Variants in DLGAP2 observed in about 807,000 individuals in gnomAD.
The protein encoded by DLGAP2 is DLG associated protein 2.
A neutral mutation model predicts 100.3 loss-of-function variants in DLGAP2; 26 were observed. That is an observed-to-expected ratio of 0.26 (90% CI 0.19 to 0.36). DLGAP2 has a LOEUF of 0.36. Ranked by LOEUF, DLGAP2 falls within the 10% of genes least tolerant of loss-of-function variation. DLGAP2 has a pLI of 1.00. For missense variants in DLGAP2, 1,858 were observed against 1,453.2 expected (o/e 1.28, Z -4.53); for synonymous variants, 886 against 630.1 (o/e 1.41, Z -6.08).
chr8:1,267,603 T>TAAAATAAAATAA (rs1250229921), intron 3 of DLGAP2, among the ~76,000 whole-genome samples: 52 of 68,402 alleles, frequency 7.6e-4, no homozygotes, highest in African/African-American at 4.6e-3. Context: ...TAAGATAAGA[T>TAAAATAAAATAA]AAGATAAGAT....
chr8:1,038,922 C>G (rs547228582), intron 2 of DLGAP2, among the ~76,000 whole-genome samples: 4 of 152,270 alleles, frequency 2.6e-5, no homozygotes, highest in African/African-American at 9.6e-5. Context: ...GTAACCCATC[C>G]ATTTGAATTG....
intron 2 of DLGAP2, among the ~76,000 whole-genome samples, chr8:960,336 A>T (rs1405402152): frequency 1.4e-5 from 2 of 144,346 alleles, no homozygotes; most frequent in African/African-American, 5.1e-5. Context: ...CCTGGCTTCA[A>T]TCGATTCTCG....
intron 1 of DLGAP2, among the ~76,000 whole-genome samples, chr8:744,689 G>A (rs568318743): frequency 2.6e-5 from 4 of 151,610 alleles, no homozygotes; most frequent in Admixed American, 6.6e-5. Flanking sequence ...CGGCCACGTC[G>A]CCCTCCCGGG....
chr8:928,491 G>A (rs1037837636), intron 2 of DLGAP2, among the ~76,000 whole-genome samples: 1 of 152,166 alleles, frequency 6.6e-6, no homozygotes, highest in Non-Finnish European at 1.5e-5. Flanking sequence ...TCAGGTGCCT[G>A]TTTGATTCTT....
intron 8 of DLGAP2, among the ~76,000 whole-genome samples, chr8:1,641,001 G>A (rs1278540818): frequency 6.6e-6 from 1 of 152,180 alleles, no homozygotes; most frequent in African/African-American, 2.4e-5. Flanking sequence ...AGTCTCTGCG[G>A]AGAGGAGGGA....
Position 1,570,203 on chromosome 8 carries a change from T to A in DLGAP2, c.1442+4309T>A, listed in dbSNP as rs144097642. 2.1e-3 allele frequency among the ~76,000 whole-genome samples: 322 copies of A among 152,354 alleles called. 2 individuals carry two copies. The highest frequency in any genetic ancestry group is 7.2e-3 in the African/African-American group (301 of 41,584). ...GGAAAGACAAGACCGGGGAGGCACA[T>A]ACACATCCATGTGCCGTCTTCATTC... is the stretch of plus-strand genomic sequence containing the variant. On this transcript the variant is annotated intron_variant, in intron 6 of 14. Transcript: ENST00000637795.
intron 3 of DLGAP2, among the ~76,000 whole-genome samples, chr8:1,316,632 G>C (rs1335390724): frequency 1.4e-5 from 2 of 144,834 alleles, no homozygotes; most frequent in East Asian, 2.1e-4. Context: ...TGCGAGTGCA[G>C]CGTCTCTCCA....
In DLGAP2 at chr8:1,053,557, G is replaced by T. The variant is rs1008388845; in HGVS notation, c.73+145591G>T. 1.1e-4 allele frequency among the ~76,000 whole-genome samples: 17 copies of T among 152,096 alleles called. 1 individual carries two copies. The highest frequency in any genetic ancestry group is 9.2e-4 in the Admixed American group (14 of 15,270). ...GCATGCAGCTGAAGAAGAGACAGAC[G>T]CGTGAGTGATGAAGACTGACACAGA... On this transcript the variant is annotated intron_variant, in intron 2 of 14. Transcript: ENST00000637795.
intron 3 of DLGAP2, among the ~76,000 whole-genome samples, chr8:1,452,869 C>T (rs750174663): frequency 1.6e-4 from 25 of 152,124 alleles, no homozygotes; most frequent in Non-Finnish European, 3.2e-4. Flanking sequence ...TAAAGAGTCT[C>T]TGTTTTTGTA....
At chr8:1,588,294 G>A (rs1376531155) in intron 6 of DLGAP2, among the ~76,000 whole-genome samples, 1 of 152,094 alleles carries the variant, frequency 6.6e-6, no homozygotes, top group Non-Finnish European at 1.5e-5. Flanking sequence ...AGAATGTACT[G>A]AATGAAGAGA....
chr8:1,018,204 T>G (rs1436187773), intron 2 of DLGAP2, among the ~76,000 whole-genome samples: 1 of 152,068 alleles, frequency 6.6e-6, no homozygotes, highest in African/African-American at 2.4e-5. Flanking sequence ...CTATAGGCCC[T>G]CCGTCCTCAG....
intron 2 of DLGAP2, among the ~76,000 whole-genome samples, chr8:1,108,863 G>A (rs1804864121): frequency 1.5e-5 from 2 of 132,590 alleles, no homozygotes; most frequent in African/African-American, 2.9e-5. Context: ...AGGTGTGCAC[G>A]GGTCTGTGAG....
intron 1 of DLGAP2, among the ~76,000 whole-genome samples, chr8:828,126 G>A (rs965166534): frequency 1.3e-5 from 2 of 152,174 alleles, no homozygotes; most frequent in East Asian, 1.9e-4. Flanking sequence ...GGACCGAAGC[G>A]AAATTAAAAT....
intron 7 of DLGAP2, among the ~76,000 whole-genome samples, chr8:1,630,016 G>T (rs528720413): frequency 5.7e-4 from 87 of 152,248 alleles, no homozygotes; most frequent in African/African-American, 1.9e-3. Context: ...TGGAAACAAT[G>T]GTTAAGCAGA....
intron 2 of DLGAP2, among the ~76,000 whole-genome samples, chr8:1,136,610 C>A (rs1403515701): frequency 2.0e-5 from 3 of 152,160 alleles, no homozygotes; most frequent in African/African-American, 7.2e-5. Context: ...CACAGCAGAC[C>A]CATGACTCTG....
chr8:755,948 G>A (rs1420883399), intron 1 of DLGAP2, among the ~76,000 whole-genome samples: 3 of 152,204 alleles, frequency 2.0e-5, no homozygotes, highest in Admixed American at 6.5e-5. Context: ...ACAGGTGGTC[G>A]GGGGATCCAG....
At chr8:1,415,026 GA>G (rs374531889) in intron 3 of DLGAP2, among the ~76,000 whole-genome samples, 3,651 of 152,014 alleles carry the variant, frequency 0.024, 140 homozygotes, top group African/African-American at 0.083. Context: ...AAAAAAAGAA[GA>G]AAAAAAATCA....
intron 2 of DLGAP2, among the ~76,000 whole-genome samples, chr8:1,170,481 T>G (rs1229719547): frequency 6.6e-6 from 1 of 152,068 alleles, no homozygotes; most frequent in African/African-American, 2.4e-5. Flanking sequence ...CTTGAACCTC[T>G]GGTAGAATTC....
chr8:1,525,561 G>A (rs1471228818), intron 4 of DLGAP2, among the ~76,000 whole-genome samples: 6 of 152,206 alleles, frequency 3.9e-5, no homozygotes, highest in Admixed American at 6.5e-5. Context: ...CACAGCAGAA[G>A]CTCCACACTT....
Sources: allele counts gnomAD v4.1 joint callset (sites outside exome capture counted in the v4.1 genomes callset), GRCh38; gene constraint gnomAD v4.1.1; transcripts MANE v1.5; gene names NCBI Gene and HGNC (gene_info 2026-07-23, HGNC 2026-07-21).